Variants in NPAS3 observed in about 807,000 individuals in gnomAD.
NPAS3 encodes neuronal PAS domain protein 3, also known as neuronal PAS domain-containing protein 3.
A neutral mutation model predicts 73.1 loss-of-function variants in NPAS3; 14 were observed. That is an observed-to-expected ratio of 0.19 (90% CI 0.13 to 0.30). The LOEUF (loss-of-function observed/expected upper bound fraction) is 0.30, where lower values mean the gene tolerates loss of function less well. Ranked by LOEUF, NPAS3 falls within the 10% of genes least tolerant of loss-of-function variation. The pLI is 1.00. For synonymous variants in NPAS3, 620 were observed against 541.5 expected (o/e 1.14, Z -2.01); for missense variants, 1,096 against 1,250.0 (o/e 0.88, Z 1.86).
At chr14:33,468,310 T>A (rs1671627024) in intron 4 of NPAS3, among the ~76,000 whole-genome samples, 1 of 152,234 alleles carries the variant, frequency 6.6e-6, no homozygotes, top group African/African-American at 2.4e-5. Context: ...CATGAGTATG[T>A]AAACTTATAA....
intron 5 of NPAS3, among the ~76,000 whole-genome samples, chr14:33,623,518 G>A (rs1050206307): frequency 2.0e-5 from 3 of 152,192 alleles, no homozygotes; most frequent in Non-Finnish European, 4.4e-5. Flanking sequence ...CTGTGTTTGC[G>A]TGTCTACTGC....
chr14:33,433,027 G>A (rs781291299), intron 4 of NPAS3, among the ~76,000 whole-genome samples: 1 of 152,034 alleles, frequency 6.6e-6, no homozygotes, highest in African/African-American at 2.4e-5. Context: ...TTTACCATAC[G>A]TTCAAATGCA....
At chr14:33,110,976 G>C (rs2042872971) in intron 2 of NPAS3, among the ~76,000 whole-genome samples, 1 of 152,152 alleles carries the variant, frequency 6.6e-6, no homozygotes, top group Admixed American at 6.5e-5. Context: ...AGCTAAAACT[G>C]ACAGATGGAG....
At chr14:32,959,152 C>G (rs2036803354) in intron 1 of NPAS3, among the ~76,000 whole-genome samples, 1 of 152,200 alleles carries the variant, frequency 6.6e-6, no homozygotes, top group African/African-American at 2.4e-5. Context: ...TTTAATCTCT[C>G]TTTGACCTCC....
chr14:33,480,741 C>G (rs1039112849), intron 4 of NPAS3, among the ~76,000 whole-genome samples: 2 of 151,912 alleles, frequency 1.3e-5, no homozygotes, highest in African/African-American at 2.4e-5. Flanking sequence ...ATAAACCTCA[C>G]TTTGTCAATG....
intron 11 of NPAS3, among the ~76,000 whole-genome samples, chr14:33,799,347 T>C (rs1249692596): frequency 6.6e-6 from 1 of 152,152 alleles, no homozygotes; most frequent in African/African-American, 2.4e-5. Flanking sequence ...CCAGGTTATT[T>C]AACCTGACTT....
chr14:33,296,047 C>T (rs1202997026), intron 3 of NPAS3, among the ~76,000 whole-genome samples: 3 of 151,972 alleles, frequency 2.0e-5, no homozygotes, highest in African/African-American at 4.8e-5. Flanking sequence ...TACTGAAAGA[C>T]GAAGACTCTC....
intron 3 of NPAS3, among the ~76,000 whole-genome samples, chr14:33,312,349 T>C (rs2043036092): frequency 1.3e-5 from 2 of 152,080 alleles, no homozygotes; most frequent in Non-Finnish European, 2.9e-5. Context: ...CTTGCAGCTT[T>C]CTTCACACTT....
exon 7 of NPAS3, chr14:33,735,294 A>C: frequency 6.2e-7 from 1 of 1,613,630 alleles, no homozygotes; most frequent in Non-Finnish European, 8.5e-7. Context: ...ATCTACTCTG[A>C]CCAAACGCGG....
At chr14:33,657,676 C>T (rs564653122) in intron 5 of NPAS3, among the ~76,000 whole-genome samples, 36 of 152,232 alleles carry the variant, frequency 2.4e-4, no homozygotes, top group Middle Eastern at 3.4e-3. Flanking sequence ...TCCCTAGACC[C>T]GGTTGCTGGT....
At chr14:33,580,280 A>C (rs539007239) in intron 5 of NPAS3, among the ~76,000 whole-genome samples, 1 of 152,216 alleles carries the variant, frequency 6.6e-6, no homozygotes, top group Non-Finnish European at 1.5e-5. Context: ...TTCTTTATTA[A>C]CTGGGCAAAA....
chr14:33,577,019 T>C, intron 5 of NPAS3, among the ~76,000 whole-genome samples: 1 of 152,194 alleles, frequency 6.6e-6, no homozygotes, highest in East Asian at 1.9e-4. Flanking sequence ...GGACCCAAGC[T>C]CTTCAACTTG....
At chr14:33,709,385 G>A (rs1310310788) in intron 6 of NPAS3, among the ~76,000 whole-genome samples, 1 of 152,188 alleles carries the variant, frequency 6.6e-6, no homozygotes, top group Non-Finnish European at 1.5e-5. Context: ...AGAGGCAGAA[G>A]TGAATTCATA....
intron 4 of NPAS3, among the ~76,000 whole-genome samples, chr14:33,515,991 C>T (rs2053276650): frequency 6.6e-6 from 1 of 152,082 alleles, no homozygotes; most frequent in South Asian, 2.1e-4. Context: ...CCCTATTTAA[C>T]ACTTTCTATG....
At chr14:33,521,808 C>A (rs1406314330) in intron 4 of NPAS3, among the ~76,000 whole-genome samples, 5 of 152,216 alleles carry the variant, frequency 3.3e-5, no homozygotes, top group African/African-American at 1.2e-4. Flanking sequence ...CAATGCCTTG[C>A]ATATTGTTCC....
rs114531777 is a variant in NPAS3 at position 33,520,562 on chromosome 14, A to T, written c.469-39559A>T. On this transcript the variant is annotated intron_variant, in intron 4 of 11. Transcript: ENST00000356141. The stretch of plus-strand genomic sequence containing the variant: ...ATGTTGAGAATGAAATGGGCAGGAG[A>T]GATGGAGAAGCAATAAAAGTGCCGT... 9.2e-3 allele frequency among the ~76,000 whole-genome samples: 1,402 copies of T among 152,126 alleles called. 20 individuals carry two copies. Among genetic ancestry groups the T allele is most frequent in the African/African-American group, 0.032 (1,323 of 41,492 alleles).
intron 1 of NPAS3, among the ~76,000 whole-genome samples, chr14:32,998,055 A>C (rs2038655558): frequency 6.6e-6 from 1 of 152,218 alleles, no homozygotes; most frequent in Admixed American, 6.5e-5. Context: ...GAAAATGGGT[A>C]CTCAAATAAG....
At chr14:33,163,427 ATTGAG>A (rs943595060) in intron 2 of NPAS3, among the ~76,000 whole-genome samples, 8 of 152,190 alleles carry the variant, frequency 5.3e-5, no homozygotes, top group Non-Finnish European at 1.0e-4. Flanking sequence ...ACAGTCGCAA[ATTGAG>A]TTGATATGTA....
intron 6 of NPAS3, among the ~76,000 whole-genome samples, chr14:33,700,202 C>T (rs531500605): frequency 6.6e-6 from 1 of 152,118 alleles, no homozygotes; most frequent in African/African-American, 2.4e-5. Context: ...AGTGTTATTG[C>T]GACTGTGTTT....
Sources: gnomAD v4.1 joint callset for allele counts (sites outside exome capture counted in the v4.1 genomes callset) on GRCh38, gnomAD v4.1.1 for gene constraint, MANE v1.5 for transcripts, NCBI Gene and HGNC (gene_info 2026-07-23, HGNC 2026-07-21) for gene names.